ASIC2: variants seen among roughly 807,000 people sequenced by gnomAD.
The protein encoded by ASIC2 is acid-sensing ion channel 2.
A neutral mutation model predicts 57.3 loss-of-function variants in ASIC2; 25 were observed. The ratio of observed to expected loss-of-function variants is 0.44; its 90% confidence interval spans 0.32 to 0.61. The LOEUF is 0.61. Ranked by LOEUF, ASIC2 falls within the 20% of genes least tolerant of loss-of-function variation. The pLI is 0.06. For synonymous variants in ASIC2, 319 were observed against 307.5 expected, an observed-to-expected ratio of 1.04 and a Z score of -0.39; for missense variants, 641 against 738.1, an observed-to-expected ratio of 0.87 and a Z score of 1.52.
chr17:33,497,941 A>G (rs548178067), intron 1 of ASIC2, among the ~76,000 whole-genome samples: 2 of 152,358 alleles, frequency 1.3e-5, no homozygotes, highest in African/African-American at 4.8e-5. Flanking sequence ...CTACTGGAAT[A>G]AAAACAAGAG....
At chr17:33,886,532 T>A (rs1470119689) in intron 1 of ASIC2, among the ~76,000 whole-genome samples, 2 of 151,972 alleles carry the variant, frequency 1.3e-5, no homozygotes, top group South Asian at 2.1e-4. Flanking sequence ...CACACACACA[T>A]GCCCATGAGA....
intron 1 of ASIC2, among the ~76,000 whole-genome samples, chr17:34,085,927 C>T (rs1910097003): frequency 2.0e-5 from 3 of 151,648 alleles, no homozygotes; most frequent in South Asian, 2.1e-4. Context: ...ATTCTTCTCT[C>T]GTTTTTTCTT....
intron 1 of ASIC2, among the ~76,000 whole-genome samples, chr17:33,759,295 G>A (rs942736906): frequency 1.1e-4 from 17 of 152,306 alleles, no homozygotes; most frequent in African/African-American, 4.1e-4. Context: ...AGTAACAGAA[G>A]AGCATATCTG....
chr17:33,537,351 C>T (rs983625224), intron 1 of ASIC2, among the ~76,000 whole-genome samples: 3 of 152,166 alleles, frequency 2.0e-5, no homozygotes, highest in African/African-American at 7.2e-5. Context: ...ATATCACCTC[C>T]TCCTAGAGGC....
chr17:33,211,788 C>T (rs751800660), intron 1 of ASIC2, among the ~76,000 whole-genome samples: 2 of 152,148 alleles, frequency 1.3e-5, no homozygotes, highest in Admixed American at 6.5e-5. Context: ...TCTTGCATCC[C>T]GAAAGTATTT....
chr17:33,681,240 A>G (rs1042132308), intron 1 of ASIC2, among the ~76,000 whole-genome samples: 1 of 152,216 alleles, frequency 6.6e-6, no homozygotes, highest in African/African-American at 2.4e-5. Flanking sequence ...CCTTATTCAT[A>G]ATTGGTTAAG....
chr17:33,674,570 G>GT, intron 1 of ASIC2, among the ~76,000 whole-genome samples: 1 of 152,168 alleles, frequency 6.6e-6, no homozygotes, highest in Non-Finnish European at 1.5e-5. Context: ...TTTAAGTCTT[G>GT]TGTCCCTATG....
At chr17:34,101,556 TTAA>T in intron 1 of ASIC2, among the ~76,000 whole-genome samples, 1 of 152,298 alleles carries the variant, frequency 6.6e-6, no homozygotes, top group African/African-American at 2.4e-5. Flanking sequence ...ATTTAATGAT[TTAA>T]TAATATATTT....
intron 1 of ASIC2, among the ~76,000 whole-genome samples, chr17:33,141,348 C>T (rs1032267094): frequency 1.3e-5 from 2 of 152,222 alleles, no homozygotes; most frequent in African/African-American, 4.8e-5. Flanking sequence ...CTTTCTTTTA[C>T]AGGTTGTTGG....
At chr17:34,075,646 C>T (rs1214282587) in intron 1 of ASIC2, among the ~76,000 whole-genome samples, 1 of 151,944 alleles carries the variant, frequency 6.6e-6, no homozygotes, top group Non-Finnish European at 1.5e-5. Context: ...CCAATCTAGC[C>T]CCCATCACCA....
intron 1 of ASIC2, among the ~76,000 whole-genome samples, chr17:33,767,977 A>T (rs1910983263): frequency 6.6e-6 from 1 of 152,148 alleles, no homozygotes; most frequent in Admixed American, 6.5e-5. Flanking sequence ...AACATAGCTA[A>T]AGGCAGCCTT....
chr17:34,104,024 G>A (rs1450730163), intron 1 of ASIC2, among the ~76,000 whole-genome samples: 4 of 151,964 alleles, frequency 2.6e-5, no homozygotes, highest in Middle Eastern at 3.4e-3. Context: ...GAATCATGTC[G>A]AGCTATGGAT....
At chr17:33,268,288 CCTAA>C (rs1192632259) in intron 1 of ASIC2, among the ~76,000 whole-genome samples, 3 of 152,032 alleles carry the variant, frequency 2.0e-5, no homozygotes, top group Admixed American at 6.6e-5. Context: ...ACCAGCAAAC[CCTAA>C]CTGATATCCA....
intron 1 of ASIC2, among the ~76,000 whole-genome samples, chr17:33,155,839 G>T (rs900257973): frequency 2.0e-5 from 3 of 151,990 alleles, no homozygotes; most frequent in Non-Finnish European, 4.4e-5. Flanking sequence ...ACTGCACCCG[G>T]TCCTCCACAG....
Position 34,116,146 on chromosome 17 carries a change from T to C in ASIC2, c.555+39832A>G, listed in dbSNP as rs78824382. Among the ~76,000 whole-genome samples, 282 of 152,348 alleles carry C rather than the reference T, an allele frequency of 1.9e-3. 4 individuals are homozygous for C. In the East Asian group the frequency reaches 0.051, roughly 28 times the overall value. ...CTTTGGTCTCCTGCAGTCCCTTTTC[T>C]GAGCACCTTTCTCCCTCTCAATTCA... On this transcript the variant is annotated intron_variant, in intron 1 of 9. Coordinates refer to the ASIC2 transcript ENST00000359872.
intron 1 of ASIC2, among the ~76,000 whole-genome samples, chr17:33,689,826 T>A (rs560091925): frequency 5.3e-4 from 80 of 152,280 alleles, no homozygotes; most frequent in African/African-American, 1.8e-3. Context: ...GAAGGCCATG[T>A]GATAGAATTG....
intron 1 of ASIC2, among the ~76,000 whole-genome samples, chr17:33,862,670 G>T (rs9911911): frequency 0.28 from 42,594 of 151,812 alleles, 6,164 homozygotes; most frequent in African/African-American, 0.31. Context: ...CCATGACTGG[G>T]CTAATGAGTG....
intron 1 of ASIC2, among the ~76,000 whole-genome samples, chr17:33,698,532 A>T (rs140798385): frequency 6.6e-6 from 1 of 152,204 alleles, no homozygotes; most frequent in African/African-American, 2.4e-5. Context: ...AAGTGACCCC[A>T]TGAAAATTAG....
At chr17:33,289,058 C>T (rs550560255) in intron 1 of ASIC2, among the ~76,000 whole-genome samples, 49 of 152,254 alleles carry the variant, frequency 3.2e-4, no homozygotes, top group African/African-American at 1.2e-3. Flanking sequence ...AGGGGTGAAG[C>T]CTTTAATTCT....
Sources: gnomAD v4.1 joint callset for allele counts (sites outside exome capture counted in the v4.1 genomes callset) on GRCh38, gnomAD v4.1.1 for gene constraint, MANE v1.5 for transcripts, NCBI Gene and HGNC (gene_info 2026-07-23, HGNC 2026-07-21) for gene names.